CREB5: variants seen among roughly 807,000 people sequenced by gnomAD.
CREB5 encodes the protein cyclic AMP-responsive element-binding protein 5.
Under a neutral mutation model 57.1 loss-of-function variants are expected in CREB5, and 19 were observed. The ratio of observed to expected loss-of-function variants is 0.33; its 90% CI spans 0.23 to 0.49. CREB5 has a LOEUF of 0.49. Among genes scored for constraint, CREB5 ranks in the 20% least tolerant of loss-of-function variants. The probability of loss-of-function intolerance (pLI) is 0.99; values close to 1 mark genes in which losing one functional copy is unlikely to be tolerated. For missense variants in CREB5, 579 were observed against 671.6 expected (o/e 0.86, Z 1.52); for synonymous variants, 238 against 238.3 (o/e 1.00, Z 0.01).
chr7:28,493,606 T>C (rs1362804075), intron 2 of CREB5, among the ~76,000 whole-genome samples: 1 of 152,194 alleles, frequency 6.6e-6, no homozygotes, highest in Non-Finnish European at 1.5e-5. Context: ...CTAGAGTGTC[T>C]TACACCAGGA....
chr7:28,488,725 A>G (rs937544486), intron 2 of CREB5, among the ~76,000 whole-genome samples: 3 of 152,244 alleles, frequency 2.0e-5, no homozygotes, highest in Non-Finnish European at 4.4e-5. Context: ...TAGAGTCTAC[A>G]GTTTTCCTAC....
intron 1 of CREB5, among the ~76,000 whole-genome samples, chr7:28,383,740 A>G (rs1312938632): frequency 6.6e-6 from 1 of 152,166 alleles, no homozygotes; most frequent in Non-Finnish European, 1.5e-5. Context: ...CCCCACGTCC[A>G]ACATGGGGGA....
chr7:28,576,107 G>A lies in CREB5; in HGVS notation c.464+5570G>A, dbSNP rs139810387. On this transcript the variant is annotated intron_variant, in intron 5 of 10. Transcript: ENST00000357727. The stretch of plus-strand genomic sequence containing the variant: ...TCTGGTCCTTGCCTCTGATTCTTCA[G>A]GCAAGCATTGTGTCTTAGTGTCATC... Among the ~76,000 whole-genome samples the A allele has an allele frequency of 4.2e-4, 64 of 152,278 alleles. No individual in the cohort carries two copies. The East Asian group carries it at 0.012, about 28-fold the overall frequency.
chr7:28,346,484 C>T (rs140813352), intron 1 of CREB5, among the ~76,000 whole-genome samples: 6 of 152,348 alleles, frequency 3.9e-5, no homozygotes, highest in African/African-American at 1.4e-4. Context: ...AATACCATCA[C>T]CTTAGGGGTT....
rs56224961 is a variant in CREB5, at chr7:28,775,543, CATATATATAT to C, written c.703-28643_703-28634del. On this transcript the variant is annotated intron_variant, in intron 7 of 10. Transcript: ENST00000357727. Reference sequence around the variant, plus strand: ...ATGCCATATTTATGTATTCCTTAGCCATATATATATATATATATATATTAGCGTATTTTAG... The same window carrying C: ...ATGCCATATTTATGTATTCCTTAGCCATATATATATATTAGCGTATTTTAG... 2.8e-3 allele frequency among the ~76,000 whole-genome samples: 335 copies of C among 120,694 alleles called. 16 individuals are homozygous for C. The East Asian group carries it at 0.083, about 30-fold the overall frequency. 79.2% of individuals were successfully genotyped at this position (120,694 alleles called of 152,430 possible).
At chr7:28,499,728 C>T (rs375664280) in intron 3 of CREB5, among the ~76,000 whole-genome samples, 4 of 152,176 alleles carry the variant, frequency 2.6e-5, no homozygotes, top group African/African-American at 7.2e-5. Flanking sequence ...GGATTACAGG[C>T]GTGCACCACC....
At chr7:28,599,210 A>G (rs939782161) in intron 5 of CREB5, among the ~76,000 whole-genome samples, 2 of 152,106 alleles carry the variant, frequency 1.3e-5, no homozygotes, top group Admixed American at 6.6e-5. Context: ...TTGATTTGAC[A>G]TATATACAGG....
intron 1 of CREB5, among the ~76,000 whole-genome samples, chr7:28,413,427 A>G (rs1417331125): frequency 1.3e-5 from 2 of 152,226 alleles, no homozygotes; most frequent in African/African-American, 2.4e-5. Flanking sequence ...AAGAAGAAGT[A>G]TAATAAAACT....
intron 7 of CREB5, among the ~76,000 whole-genome samples, chr7:28,755,419 T>C (rs925605098): frequency 5.9e-5 from 9 of 152,124 alleles, no homozygotes; most frequent in Non-Finnish European, 1.0e-4. Context: ...CCTGTTGAGT[T>C]GAGAAGTCAA....
intron 7 of CREB5, among the ~76,000 whole-genome samples, chr7:28,753,490 T>C (rs1350158903): frequency 1.8e-4 from 27 of 152,212 alleles, no homozygotes. Context: ...CTTTTTAGTT[T>C]TCCAATTCTT....
At chr7:28,426,980 G>T (rs978502799) in intron 1 of CREB5, among the ~76,000 whole-genome samples, 6 of 152,136 alleles carry the variant, frequency 3.9e-5, no homozygotes, top group Non-Finnish European at 7.4e-5. Context: ...AACCAGCCTG[G>T]TGAGTGTTCC....
At chr7:28,785,757 G>A (rs918164964) in intron 7 of CREB5, among the ~76,000 whole-genome samples, 5 of 152,136 alleles carry the variant, frequency 3.3e-5, no homozygotes, top group Admixed American at 1.3e-4. Context: ...AGTGGAGAGA[G>A]GAATTAAAGT....
rs76493262 is a variant in CREB5, at chr7:28,340,663, C to T, written c.-25+41222C>T. Reference sequence around the variant, plus strand: ...TGGTATCTCACTAAGTCGTGTGTCCCCACAAGTCCACTGGCTCTGAGCCCA... The same window carrying T: ...TGGTATCTCACTAAGTCGTGTGTCCTCACAAGTCCACTGGCTCTGAGCCCA... On this transcript the variant is annotated intron_variant, in intron 1 of 9. Coordinates refer to the CREB5 transcript ENST00000396299. Among the ~76,000 whole-genome samples the T allele has an allele frequency of 2.9e-3, 441 of 152,292 alleles. 3 individuals carry two copies. The highest frequency in any genetic ancestry group is 1.0e-2 in the African/African-American group (415 of 41,560).
intron 1 of CREB5, among the ~76,000 whole-genome samples, chr7:28,300,609 C>T (rs557689864): frequency 6.6e-6 from 1 of 152,294 alleles, no homozygotes; most frequent in Admixed American, 6.5e-5. Flanking sequence ...TCCCAGTGAA[C>T]ATTTCCTGTT....
At chr7:28,685,155 A>C (rs1241768685) in intron 5 of CREB5, among the ~76,000 whole-genome samples, 1 of 152,106 alleles carries the variant, frequency 6.6e-6, no homozygotes, top group Non-Finnish European at 1.5e-5. Context: ...CAGCGAGTTG[A>C]GTTGTGGGGG....
chr7:28,415,045 A>T (rs1787972008), intron 1 of CREB5, among the ~76,000 whole-genome samples: 1 of 152,140 alleles, frequency 6.6e-6, no homozygotes. Context: ...TCACTTTAAA[A>T]ATATGTATTT....
chr7:28,588,747 G>A (rs576017522), intron 5 of CREB5, among the ~76,000 whole-genome samples: 1 of 152,214 alleles, frequency 6.6e-6, no homozygotes, highest in East Asian at 1.9e-4. Context: ...AATGTGCGGC[G>A]ATGTTGAAAT....
At chr7:28,352,105 ATTAT>A (rs1458059915) in intron 1 of CREB5, among the ~76,000 whole-genome samples, 3 of 152,242 alleles carry the variant, frequency 2.0e-5, no homozygotes, top group African/African-American at 7.2e-5. Flanking sequence ...ATCATCAAAA[ATTAT>A]TTGTTATAAT....
intron 5 of CREB5, among the ~76,000 whole-genome samples, chr7:28,578,488 A>C (rs952576160): frequency 6.6e-6 from 1 of 152,244 alleles, no homozygotes; most frequent in Non-Finnish European, 1.5e-5. Flanking sequence ...GGTTATTCAG[A>C]GCTGGTCCTT....
Sources: gnomAD v4.1 joint callset for allele counts (sites outside exome capture counted in the v4.1 genomes callset) on GRCh38, gnomAD v4.1.1 for gene constraint, MANE v1.5 for transcripts, NCBI Gene and HGNC (gene_info 2026-07-23, HGNC 2026-07-21) for gene names.